The following ANXA4 variants were observed in gnomAD, a reference collection of about 807,000 sequenced individuals.
The protein encoded by ANXA4 is 35-beta calcimedin.
ANXA4 carries 39 observed loss-of-function variants against 49.8 expected under a neutral mutation model. The ratio of observed to expected loss-of-function variants is 0.78; its 90% confidence interval spans 0.61 to 1.02. The LOEUF (loss-of-function observed/expected upper bound fraction) is 1.02. Ranked by LOEUF, ANXA4 falls within the 50% of genes least tolerant of loss-of-function variation. ANXA4 has a pLI of 0.00. For missense variants in ANXA4, 360 were observed against 410.1 expected (o/e 0.88, Z 1.05); for synonymous variants, 134 against 152.5 (o/e 0.88, Z 0.89).
intron 1 of ANXA4, among the ~76,000 whole-genome samples, chr2:69,772,540 T>C (rs1022022612): frequency 1.3e-5 from 2 of 151,560 alleles, no homozygotes; most frequent in Non-Finnish European, 2.9e-5. Flanking sequence ...AATTGTGTTT[T>C]GGGGGGTGCA....
chr2:69,674,099 C>G (rs1677305584), intron 2 of ANXA4: 1 of 152,196 alleles, frequency 6.6e-6, no homozygotes, highest in African/African-American at 2.4e-5. Context: ...TTGAATTGAT[C>G]CAAGCCATTA....
In ANXA4 at chr2:69,646,609, G is replaced by A. The variant is rs1676016653; in HGVS notation, n.481+1704G>A. Among the ~76,000 whole-genome samples the A allele has an allele frequency of 2.0e-5, 3 of 152,272 alleles. No individual in the cohort carries two copies. In the South Asian group the frequency reaches 6.2e-4, roughly 32 times the overall value. On this transcript the variant is annotated intron_variant and non_coding_transcript_variant, in intron 1 of 3. Coordinates refer to the ANXA4 transcript ENST00000418066. The stretch of plus-strand genomic sequence containing the variant: ...TTGTTACAATAGTGATCATATGACC[G>A]ATGGAACAGACTCTTTGAGGCAATA...
intron 2 of ANXA4, among the ~76,000 whole-genome samples, chr2:69,682,522 A>G (rs933832318): frequency 2.2e-4 from 34 of 152,210 alleles, no homozygotes; most frequent in African/African-American, 7.2e-4. Context: ...AGGGACAACT[A>G]AAACAGATTC....
At chr2:69,762,713 G>A (rs1383266364) in intron 1 of ANXA4, among the ~76,000 whole-genome samples, 1 of 151,994 alleles carries the variant, frequency 6.6e-6, no homozygotes, top group Non-Finnish European at 1.5e-5. Context: ...AACACCTCTC[G>A]GCCTGCTTTG....
chr2:69,714,957 GGA>G (rs1678828802), intron 2 of ANXA4, among the ~76,000 whole-genome samples: 8 of 152,176 alleles, frequency 5.3e-5, no homozygotes, highest in African/African-American at 1.9e-4. Flanking sequence ...TAACAGATGT[GGA>G]GATGCTTTGG....
intron 2 of ANXA4, among the ~76,000 whole-genome samples, chr2:69,716,642 C>T (rs1407039298): frequency 1.3e-5 from 2 of 152,160 alleles, no homozygotes; most frequent in African/African-American, 4.8e-5. Context: ...CTCGGGAGAA[C>T]GGGTCTGAGA....
intron 1 of ANXA4, among the ~76,000 whole-genome samples, chr2:69,645,467 T>C (rs1481058843): frequency 6.6e-6 from 1 of 152,244 alleles, no homozygotes; most frequent in African/African-American, 2.4e-5. Context: ...CATTTGGAAT[T>C]AGACTCATTG....
At chr2:69,743,788 C>G (rs1294316576) in intron 1 of ANXA4, among the ~76,000 whole-genome samples, 1 of 152,156 alleles carries the variant, frequency 6.6e-6, no homozygotes, top group Non-Finnish European at 1.5e-5. Flanking sequence ...CTGTGAATTT[C>G]CCTCCTAGAT....
chr2:69,771,447 G>A (rs755095795), intron 1 of ANXA4, among the ~76,000 whole-genome samples: 21 of 152,302 alleles, frequency 1.4e-4, no homozygotes, highest in South Asian at 8.3e-4. Context: ...CCCAGGAGCC[G>A]TTCTTTCCCA....
chr2:69,790,741 C>T (rs1410034772), intron 3 of ANXA4, among the ~76,000 whole-genome samples: 2 of 152,130 alleles, frequency 1.3e-5, no homozygotes, highest in Non-Finnish European at 2.9e-5. Flanking sequence ...TTTCTATTAC[C>T]GATGCCTTTC....
In ANXA4 at chr2:69,819,019, AT is replaced by A. The variant is rs1674119957; in HGVS notation, c.725-257del. On this transcript the variant is annotated intron_variant, in intron 10 of 12. Coordinates refer to ENST00000394295, the MANE Select transcript of ANXA4 (RefSeq NM_001153.5). The stretch of plus-strand genomic sequence containing the variant: ...TCATATGGCAGATACAGTAATCCTT[AT>A]TTTGAAATGAAATACCACCCTTTGC... Among the ~76,000 whole-genome samples, 9 of 152,330 alleles carry A rather than the reference AT, an allele frequency of 5.9e-5. No homozygotes were observed. The South Asian group carries it at 1.9e-3, about 32-fold the overall frequency.
At chr2:69,824,232 G>A (rs1385488537) in intron 12 of ANXA4, among the ~76,000 whole-genome samples, 7 of 152,152 alleles carry the variant, frequency 4.6e-5, no homozygotes, top group Non-Finnish European at 4.4e-5. Context: ...GCTGGGTGCG[G>A]TGGCTCACAC....
chr2:69,768,009 G>A (rs138666292), intron 1 of ANXA4, among the ~76,000 whole-genome samples: 28 of 151,352 alleles, frequency 1.8e-4, no homozygotes, highest in African/African-American at 4.4e-4. Context: ...AATTATACAC[G>A]TATACACATA....
chr2:69,709,746 A>G (rs1367316376), intron 2 of ANXA4, among the ~76,000 whole-genome samples: 1 of 152,212 alleles, frequency 6.6e-6, no homozygotes. Context: ...CTGTTATGCA[A>G]TTAACCAACT....
intron 2 of ANXA4, among the ~76,000 whole-genome samples, chr2:69,672,906 T>TA (rs572542914): frequency 4.6e-4 from 66 of 144,240 alleles, no homozygotes; most frequent in South Asian, 2.0e-3. Context: ...ACATAACATA[T>TA]AAAAAAAAAA....
At chr2:69,822,159 G>A (rs1167912835) in intron 12 of ANXA4, among the ~76,000 whole-genome samples, 4 of 152,002 alleles carry the variant, frequency 2.6e-5, no homozygotes, top group Non-Finnish European at 5.9e-5. Flanking sequence ...CCGGGAGTTC[G>A]AGACCAGCCT....
At chr2:69,650,664 G>C (rs1250412408) in intron 1 of ANXA4, among the ~76,000 whole-genome samples, 1 of 152,076 alleles carries the variant, frequency 6.6e-6, no homozygotes, top group Non-Finnish European at 1.5e-5. Context: ...ATGTTGCCTA[G>C]TCTGATCTTG....
At chr2:69,790,696 G>T (rs1235957625) in intron 3 of ANXA4, among the ~76,000 whole-genome samples, 1 of 152,136 alleles carries the variant, frequency 6.6e-6, no homozygotes, top group Non-Finnish European at 1.5e-5. Context: ...GGATTTGTAG[G>T]ATAATTGCCC....
intron 2 of ANXA4, among the ~76,000 whole-genome samples, chr2:69,694,112 C>T (rs774705854): frequency 6.6e-6 from 1 of 152,116 alleles, no homozygotes; most frequent in Non-Finnish European, 1.5e-5. Context: ...TCCCCTCAAC[C>T]CCTGCAACAT....
Sources: gnomAD v4.1 joint callset for allele counts (sites outside exome capture counted in the v4.1 genomes callset) on GRCh38, gnomAD v4.1.1 for gene constraint, MANE v1.5 for transcripts, NCBI Gene and HGNC (gene_info 2026-07-23, HGNC 2026-07-21) for gene names.